LTBP1: variants seen among roughly 807,000 people sequenced by gnomAD.
LTBP1 encodes latent transforming growth factor beta binding protein 1, also known as latent-transforming growth factor beta-binding protein 1.
In LTBP1, 129 loss-of-function variants were observed where a neutral mutation model predicts 207.6. The observed-to-expected ratio is 0.62, with a 90% CI of 0.54 to 0.72. The LOEUF (loss-of-function observed/expected upper bound fraction) is 0.72, where lower values mean the gene tolerates loss of function less well. Among genes scored for constraint, LTBP1 ranks in the 30% least tolerant of loss-of-function variants. LTBP1 has a pLI of 0.00. For synonymous variants in LTBP1, 963 were observed against 833.7 expected (o/e 1.16, Z -2.67); for missense variants, 2,281 against 2,217.2 (o/e 1.03, Z -0.58).
Position 32,975,879 on chromosome 2 carries a change from A to C in LTBP1, c.565+26934A>C, listed in dbSNP as rs545749997. ...ATCTCCACGATCTTTGTTCCTATCC[A>C]TTTTCAGAATTCTATGTCTGTCATT... On this transcript the variant is annotated intron_variant, in intron 2 of 33. Transcript: ENST00000404816. 4.6e-5 allele frequency among the ~76,000 whole-genome samples: 7 copies of C among 151,536 alleles called. No homozygotes were observed. In the East Asian group the frequency reaches 1.4e-3, roughly 29 times the overall value.
intron 24 of LTBP1, among the ~76,000 whole-genome samples, chr2:33,318,977 A>G (rs569259718): frequency 3.3e-4 from 50 of 152,240 alleles, no homozygotes; most frequent in African/African-American, 1.1e-3. Context: ...GCTCATGTCT[A>G]TAGTCCCAGC....
chr2:33,326,857 T>C (rs939767661), intron 24 of LTBP1, among the ~76,000 whole-genome samples: 2 of 152,088 alleles, frequency 1.3e-5, no homozygotes, highest in Middle Eastern at 3.4e-3. Flanking sequence ...GAAGGGTTTC[T>C]TTCACCATGT....
intron 9 of LTBP1, among the ~76,000 whole-genome samples, chr2:33,241,552 T>C (rs2092323475): frequency 1.3e-5 from 2 of 152,326 alleles, no homozygotes; most frequent in Admixed American, 1.3e-4. Context: ...GGTGCTGTTA[T>C]AGAAACCACC....
chr2:33,250,380 A>G (rs2092649421), intron 10 of LTBP1, among the ~76,000 whole-genome samples: 1 of 152,216 alleles, frequency 6.6e-6, no homozygotes, highest in African/African-American at 2.4e-5. Context: ...CACCCCCTCC[A>G]CAAAGAAGAA....
chr2:32,947,923 T>C (rs1676489283), intron 1 of LTBP1, 105 bp downstream of exon 1: 1 of 1,026,474 alleles, frequency 9.7e-7, no homozygotes, highest in East Asian at 3.5e-5. Context: ...GCCAGGGCGG[T>C]CGCGCGCGGT....
intron 15 of LTBP1, among the ~76,000 whole-genome samples, chr2:33,271,748 TTATATTC>T (rs2093326965): frequency 6.6e-6 from 1 of 152,188 alleles, no homozygotes; most frequent in Admixed American, 6.5e-5. Flanking sequence ...ATAATGGAGA[TTATATTC>T]TATATTATAA....
chr2:33,038,874 T>G (rs965200766), intron 3 of LTBP1, among the ~76,000 whole-genome samples: 2 of 152,240 alleles, frequency 1.3e-5, no homozygotes, highest in African/African-American at 4.8e-5. Flanking sequence ...CAGTGGCCAG[T>G]GAGCCTGGGA....
intron 5 of LTBP1, among the ~76,000 whole-genome samples, chr2:33,176,954 A>G (rs1326693326): frequency 6.6e-6 from 1 of 152,164 alleles, no homozygotes; most frequent in Non-Finnish European, 1.5e-5. Context: ...AGTTCTGTGT[A>G]CTGTGAATAT....
rs1180484992 is a variant in LTBP1 at position 33,134,247 on chromosome 2, C to T, written c.1034-546C>T. 3.3e-5 allele frequency among the ~76,000 whole-genome samples: 5 copies of T among 152,150 alleles called. No homozygotes were observed. Among genetic ancestry groups the T allele is most frequent in the Admixed American group, 6.5e-5 (1 of 15,278 alleles). On this transcript the variant is annotated intron_variant, in intron 4 of 33. Transcript: ENST00000404816. The surrounding 1 kb of genome is among the most constrained non-coding windows in gnomAD (Gnocchi z 4.4). The stretch of plus-strand genomic sequence containing the variant: ...CGTCACAGCATTTGATCACTTCAGC[C>T]GAGAGTGCCAGGAGATTTGAGACAG...
chr2:32,986,221 G>A (rs1259718741), intron 2 of LTBP1, among the ~76,000 whole-genome samples: 1 of 152,148 alleles, frequency 6.6e-6, no homozygotes, highest in African/African-American at 2.4e-5. Context: ...CAGGGCAGAG[G>A]ACCAGTCCAG....
intron 2 of LTBP1, among the ~76,000 whole-genome samples, chr2:32,976,580 A>G (rs920307922): frequency 6.6e-6 from 1 of 152,120 alleles, no homozygotes; most frequent in Admixed American, 6.5e-5. Context: ...GGAGTGCTCT[A>G]TGTTGGGGGT....
chr2:33,122,947 C>A (rs1323731173), intron 4 of LTBP1, among the ~76,000 whole-genome samples: 1 of 152,180 alleles, frequency 6.6e-6, no homozygotes, highest in Non-Finnish European at 1.5e-5. Context: ...AATACAAGTT[C>A]TATTTCTACT....
chr2:33,106,975 G>A (rs115770490), intron 3 of LTBP1, among the ~76,000 whole-genome samples: 217 of 152,264 alleles, frequency 1.4e-3, no homozygotes, highest in African/African-American at 5.0e-3. Flanking sequence ...CTTGGCTTAA[G>A]TATTCCGAAC....
intron 3 of LTBP1, among the ~76,000 whole-genome samples, chr2:33,026,114 A>T (rs776163399): frequency 5.3e-5 from 8 of 152,186 alleles, no homozygotes; most frequent in Non-Finnish European, 1.0e-4. Context: ...AAAGAGTTCA[A>T]GCTTGTTGCA....
intron 2 of LTBP1, among the ~76,000 whole-genome samples, chr2:33,009,139 G>C (rs1217527813): frequency 6.6e-6 from 1 of 152,204 alleles, no homozygotes; most frequent in Non-Finnish European, 1.5e-5. Context: ...GGTTGCTCTG[G>C]TGAGAATAGA....
chr2:33,314,855 C>T (rs1164335580), intron 23 of LTBP1, among the ~76,000 whole-genome samples: 1 of 152,136 alleles, frequency 6.6e-6, no homozygotes, highest in Admixed American at 6.5e-5. Flanking sequence ...GTGGAGTATT[C>T]CTCAAGCCCC....
Position 33,222,152 on chromosome 2 carries a change from G to T in LTBP1, c.1876+1G>T. On this transcript the variant is annotated splice_donor_variant, in intron 9 of 33. Transcript: ENST00000404816. LOFTEE classifies it high-confidence loss of function. The stretch of plus-strand genomic sequence containing the variant: ...CGGGTTAACAACACCTTTTGCCAAG[G>T]TAAGACTAACTGAATTCATTGATGT... The T allele has an allele frequency of 6.2e-7, 1 of 1,604,892 alleles. No homozygotes were observed. The highest frequency in any genetic ancestry group is 8.5e-7 in the Non-Finnish European group (1 of 1,171,462).
At chr2:32,998,287 G>T (rs1333511906) in intron 2 of LTBP1, among the ~76,000 whole-genome samples, 1 of 152,030 alleles carries the variant, frequency 6.6e-6, no homozygotes, top group Non-Finnish European at 1.5e-5. Flanking sequence ...GGAGGCTGAG[G>T]TGGGCAGATC....
At chr2:33,322,361 C>T (rs562279493) in intron 24 of LTBP1, among the ~76,000 whole-genome samples, 96 of 152,260 alleles carry the variant, frequency 6.3e-4, no homozygotes, top group African/African-American at 1.9e-3. Context: ...GTCAACAACC[C>T]GAGTCCTTTT....
Sources: allele counts gnomAD v4.1 joint callset (sites outside exome capture counted in the v4.1 genomes callset), GRCh38; gene constraint gnomAD v4.1.1; non-coding constraint Gnocchi (gnomAD v3.1); transcripts MANE v1.5; gene names NCBI Gene and HGNC (gene_info 2026-07-23, HGNC 2026-07-21).